The following ADGRA3 variants were observed in gnomAD, a reference collection of about 807,000 sequenced individuals.
ADGRA3 encodes adhesion G protein-coupled receptor A3, also known as G-protein coupled receptor 125.
Under a neutral mutation model 119.8 loss-of-function variants are expected in ADGRA3, and 56 were observed. That is an observed-to-expected ratio of 0.47 (90% CI 0.38 to 0.58). The LOEUF (loss-of-function observed/expected upper bound fraction) is 0.58, where lower values mean the gene tolerates loss of function less well. Among genes scored for constraint, ADGRA3 ranks in the 20% least tolerant of loss-of-function variants. ADGRA3 has a pLI of 0.00. For synonymous variants in ADGRA3, 607 were observed against 623.8 expected (o/e 0.97, Z 0.40); for missense variants, 1,516 against 1,649.0 (o/e 0.92, Z 1.40).
At chr4:22,465,801 TA>T (rs1175081377) in intron 2 of ADGRA3, among the ~76,000 whole-genome samples, 1 of 152,200 alleles carries the variant, frequency 6.6e-6, no homozygotes, top group African/African-American at 2.4e-5. Flanking sequence ...AATTTATAGC[TA>T]AAATAATAGG....
At chr4:22,414,415 A>C (rs2109025428) in intron 12 of ADGRA3, 1 of 467,266 alleles carries the variant, frequency 2.1e-6, no homozygotes, top group African/African-American at 2.0e-5. Flanking sequence ...CTGATCACTG[A>C]ATTTTTTCAG....
chr4:22,424,017 CTGTAATAACTTATAAAA>C (rs1414730353), intron 11 of ADGRA3, among the ~76,000 whole-genome samples, 157 bp downstream of exon 11: 1 of 150,694 alleles, frequency 6.6e-6, no homozygotes, highest in African/African-American at 2.4e-5. Context: ...AGAAGAAATT[CTGTAATAACTTATAAAA>C]TGTTATAACT....
intron 12 of ADGRA3, among the ~76,000 whole-genome samples, chr4:22,415,239 A>G (rs1220827641): frequency 6.6e-6 from 1 of 152,184 alleles, no homozygotes; most frequent in East Asian, 1.9e-4. Context: ...CAATGTCTGT[A>G]TGGCATGTTT....
chr4:22,493,655 T>C (rs1436393829), intron 1 of ADGRA3, among the ~76,000 whole-genome samples: 2 of 152,164 alleles, frequency 1.3e-5, no homozygotes, highest in African/African-American at 2.4e-5. Flanking sequence ...CAATCTGTTT[T>C]AACAAGCCTT....
intron 10 of ADGRA3, among the ~76,000 whole-genome samples, chr4:22,434,653 T>C (rs1352509253): frequency 6.6e-6 from 1 of 152,202 alleles, no homozygotes; most frequent in Non-Finnish European, 1.5e-5. Context: ...AAGAACACAA[T>C]AATTCTGCCC....
rs572733725 is a variant in ADGRA3, at chr4:22,489,794, A to T, written c.258-15951T>A. ...GCCTTCCCAAACCATCTACAATAGTACTTCTAACTTCAATCTCTGCAAGGT... is the reference window on the plus strand; with the variant it reads ...GCCTTCCCAAACCATCTACAATAGTTCTTCTAACTTCAATCTCTGCAAGGT... On this transcript the variant is annotated intron_variant, in intron 1 of 18. Transcript: ENST00000334304. 3.3e-5 allele frequency among the ~76,000 whole-genome samples: 5 copies of T among 152,298 alleles called. No homozygotes were observed. In the South Asian group the frequency reaches 1.0e-3, roughly 32 times the overall value.
chr4:22,451,101 T>C (rs1303887388), intron 4 of ADGRA3, among the ~76,000 whole-genome samples: 11 of 151,436 alleles, frequency 7.3e-5, no homozygotes, highest in Admixed American at 6.6e-4. Context: ...AAGTTCTTTA[T>C]ACAAACATAT....
chr4:22,421,131 C>A (rs780238010), intron 11 of ADGRA3, 42 bp from the exon 12 acceptor site: 2 of 1,542,428 alleles, frequency 1.3e-6, no homozygotes, highest in Admixed American at 1.7e-5. Context: ...CGATTTATAG[C>A]ACAAAGGAAA....
chr4:22,422,420 T>C (rs1715742101), intron 11 of ADGRA3, among the ~76,000 whole-genome samples: 3 of 152,222 alleles, frequency 2.0e-5, no homozygotes. Context: ...TTTGTATTAG[T>C]TTTTGCCTCA....
At chr4:22,450,951 A>T (rs4697303) in intron 4 of ADGRA3, among the ~76,000 whole-genome samples, 77,504 of 122,802 alleles carry the variant, frequency 0.63, 24,165 homozygotes, top group Non-Finnish European at 0.7. Flanking sequence ...AAAAAAAAAA[A>T]ATATATATAT....
chr4:22,428,960 A>G (rs1716050548), intron 10 of ADGRA3, among the ~76,000 whole-genome samples: 1 of 152,180 alleles, frequency 6.6e-6, no homozygotes, highest in Admixed American at 6.5e-5. Flanking sequence ...GGAACTGAAG[A>G]AATGGGTGGA....
chr4:22,437,291 T>C (rs1048732728), intron 8 of ADGRA3, among the ~76,000 whole-genome samples: 1 of 152,198 alleles, frequency 6.6e-6, no homozygotes, highest in Admixed American at 6.5e-5. Context: ...AATAACTTTT[T>C]TAAAAAGAGC....
chr4:22,389,268 C>A (rs1039667100), intron 17 of ADGRA3, 85 bp from the exon 18 acceptor site: 3 of 873,006 alleles, frequency 3.4e-6, no homozygotes, highest in Non-Finnish European at 5.6e-6. Context: ...CTTCAAAAGT[C>A]ATTCCCTGAA....
In ADGRA3 at chr4:22,438,240, T is replaced by A. The variant is rs1396224536; in HGVS notation, c.1085+16A>T. The A allele has an allele frequency of 1.2e-6, 2 of 1,602,766 alleles. No homozygotes were observed. ...GGACAAATTAAACTTTTCCCCGTAT[T>A]TTCCACAACACTGACCTGAAGTCAC... On this transcript the variant is annotated intron_variant, in intron 8 of 18. Transcript: ENST00000334304.
At chr4:22,427,688 A>G (rs559791705) in intron 10 of ADGRA3, among the ~76,000 whole-genome samples, 2 of 152,334 alleles carry the variant, frequency 1.3e-5, no homozygotes, top group East Asian at 1.9e-4. Flanking sequence ...GCAAAAAGTG[A>G]CACAAAAGGG....
intron 1 of ADGRA3, among the ~76,000 whole-genome samples, chr4:22,506,205 C>T (rs1437586375): frequency 1.3e-5 from 2 of 152,052 alleles, no homozygotes; most frequent in Admixed American, 6.5e-5. Flanking sequence ...CCATTTTTAC[C>T]CTTCAGGCCC....
At chr4:22,409,435 G>A (rs935655898) in intron 14 of ADGRA3, among the ~76,000 whole-genome samples, 1 of 152,156 alleles carries the variant, frequency 6.6e-6, no homozygotes, top group African/African-American at 2.4e-5. Context: ...TTAGCAGAGG[G>A]ATTATTAACA....
At chr4:22,413,496 T>G (rs1008423708) in intron 13 of ADGRA3, 105 bp downstream of exon 13, 2 of 1,363,850 alleles carry the variant, frequency 1.5e-6, no homozygotes. Context: ...TCTTCACTAG[T>G]GACTCATTAA....
intron 9 of ADGRA3, 61 bp from the exon 10 acceptor site, chr4:22,435,527 C>T (rs1005093898): frequency 7.2e-7 from 1 of 1,389,434 alleles, no homozygotes; most frequent in African/African-American, 1.4e-5. Flanking sequence ...TCAACACAAT[C>T]CTGACATTTT....
Sources: allele counts gnomAD v4.1 joint callset (sites outside exome capture counted in the v4.1 genomes callset), GRCh38; gene constraint gnomAD v4.1.1; transcripts MANE v1.5; gene names NCBI Gene and HGNC (gene_info 2026-07-23, HGNC 2026-07-21).